Variants in DDX10 observed in about 807,000 individuals in gnomAD.
DDX10 encodes probable ATP-dependent RNA helicase DDX10.
In DDX10, 74 loss-of-function variants were observed where a neutral mutation model predicts 104.3. That is an observed-to-expected ratio of 0.71 (90% CI 0.59 to 0.86). The LOEUF is 0.86. Ranked by LOEUF, DDX10 falls within the 40% of genes least tolerant of loss-of-function variation. The pLI, the probability that DDX10 is intolerant of heterozygous loss-of-function variation, is 0.00. For missense variants in DDX10, 952 were observed against 1,040.0 expected, an observed-to-expected ratio of 0.92 and a Z score of 1.16; for synonymous variants, 351 against 353.4, an observed-to-expected ratio of 0.99 and a Z score of 0.08.
At chr11:108,670,137 G>T (rs1321632068) in intron 1 of DDX10, among the ~76,000 whole-genome samples, 2 of 152,214 alleles carry the variant, frequency 1.3e-5, no homozygotes, top group African/African-American at 4.8e-5. Context: ...GCGGGACTCT[G>T]TATAGAGAGA....
chr11:108,689,818 A>C (rs1010665954), intron 7 of DDX10, among the ~76,000 whole-genome samples: 3 of 152,230 alleles, frequency 2.0e-5, no homozygotes, highest in Admixed American at 2.0e-4. Flanking sequence ...CAGCTTTTGC[A>C]ATAACTTTCC....
At chr11:108,749,190 G>A (rs1007297723) in intron 13 of DDX10, among the ~76,000 whole-genome samples, 15 of 151,918 alleles carry the variant, frequency 9.9e-5, no homozygotes, top group South Asian at 4.2e-4. Flanking sequence ...GTGAATCATC[G>A]TGCCTGGCCG....
At chr11:108,908,730 A>T (rs1049168163) in intron 16 of DDX10, among the ~76,000 whole-genome samples, 1 of 152,218 alleles carries the variant, frequency 6.6e-6, no homozygotes, top group Non-Finnish European at 1.5e-5. Flanking sequence ...GACAACAGAC[A>T]TTACCATGTA....
intron 9 of DDX10, among the ~76,000 whole-genome samples, chr11:108,702,462 C>T (rs1167314962): frequency 6.6e-6 from 1 of 152,002 alleles, no homozygotes; most frequent in Non-Finnish European, 1.5e-5. Flanking sequence ...CATGGTAGGA[C>T]AATAGTGGGA....
Position 108,828,900 on chromosome 11 carries a change from A to G in DDX10, c.1966-9546A>G, listed in dbSNP as rs372009233. 4.9e-4 allele frequency among the ~76,000 whole-genome samples: 75 copies of G among 152,254 alleles called. No individual in the cohort carries two copies. The Middle Eastern group carries it at 0.02, about 41-fold the overall frequency. ...TGGCCTCCCAAAGTGCTGGGATTAT[A>G]GGTGTGAGCCACTGCAGCCTCCCAA... On this transcript the variant is annotated intron_variant, in intron 13 of 17. Transcript: ENST00000322536.
intron 16 of DDX10, among the ~76,000 whole-genome samples, chr11:108,913,998 A>T (rs1295656407): frequency 1.3e-5 from 2 of 152,238 alleles, no homozygotes; most frequent in Admixed American, 1.3e-4. Flanking sequence ...TAGCACCAAC[A>T]TTGCAGTCAT....
At chr11:108,750,432 T>G (rs1484354943) in intron 13 of DDX10, among the ~76,000 whole-genome samples, 1 of 152,174 alleles carries the variant, frequency 6.6e-6, no homozygotes, top group African/African-American at 2.4e-5. Context: ...AGTTATTAGG[T>G]TATTGAACTA....
chr11:108,698,158 TC>T (rs1565250683), intron 9 of DDX10, among the ~76,000 whole-genome samples: 1 of 152,220 alleles, frequency 6.6e-6, no homozygotes, highest in Non-Finnish European at 1.5e-5. Flanking sequence ...TGTAATAACT[TC>T]TGAAGAGTTC....
At chr11:108,679,622 T>C in intron 6 of DDX10, 62 bp downstream of exon 6, 1 of 1,207,862 alleles carries the variant, frequency 8.3e-7, no homozygotes, top group Non-Finnish European at 1.1e-6. Flanking sequence ...AGGGATTTGG[T>C]ATTTTAAATA....
chr11:108,882,948 A>G (rs1213491994), intron 16 of DDX10, among the ~76,000 whole-genome samples: 7 of 152,194 alleles, frequency 4.6e-5, no homozygotes, highest in Non-Finnish European at 1.0e-4. Flanking sequence ...GTTATTCAAT[A>G]ATGTCTTTGT....
At chr11:108,843,288 A>G (rs1023981879) in intron 15 of DDX10, among the ~76,000 whole-genome samples, 1 of 152,174 alleles carries the variant, frequency 6.6e-6, no homozygotes, top group South Asian at 2.1e-4. Flanking sequence ...AAAAACAAGA[A>G]AAAACTAACA....
In DDX10 at chr11:108,736,710, C is replaced by T. The variant is rs145246803; in HGVS notation, c.1965+13248C>T. Among the ~76,000 whole-genome samples, 586 of 152,246 alleles carry T rather than the reference C, an allele frequency of 3.8e-3. 3 individuals carry two copies. Among genetic ancestry groups the T allele is most frequent in the Admixed American group, 7.1e-3 (109 of 15,284 alleles). On this transcript the variant is annotated intron_variant, in intron 13 of 17. Transcript: ENST00000322536. ...CACAGTTTTTCCTTCTTGCCCTCTGCCTTCTGCCATGTGAGGATGCAGCAA... is the reference window on the plus strand; with the variant it reads ...CACAGTTTTTCCTTCTTGCCCTCTGTCTTCTGCCATGTGAGGATGCAGCAA...
At chr11:108,666,814 C>T (rs2094210770) in intron 1 of DDX10, among the ~76,000 whole-genome samples, 1 of 152,192 alleles carries the variant, frequency 6.6e-6, no homozygotes, top group South Asian at 2.1e-4. Flanking sequence ...TTAATTTAAT[C>T]ACATCTGAAA....
chr11:108,688,479 G>A (rs1219035283), intron 6 of DDX10, among the ~76,000 whole-genome samples: 2 of 152,186 alleles, frequency 1.3e-5, no homozygotes. Flanking sequence ...TTCAGCACAC[G>A]TATTACTGAG....
chr11:108,675,563 T>C, intron 2 of DDX10, 33 bp from the exon 3 acceptor site: 1 of 1,607,914 alleles, frequency 6.2e-7, no homozygotes, highest in East Asian at 2.2e-5. Flanking sequence ...ACAGGGATCT[T>C]CTAAAGTATA....
Position 108,894,462 on chromosome 11 carries a change from T to C in DDX10, c.2305-23411T>C, listed in dbSNP as rs536000719. ...CCTGATTATAAGCCATTGCTTGTTA[T>C]GTGCTACAGATCATGACTAATTTTA... On this transcript the variant is annotated intron_variant, in intron 16 of 17. Transcript: ENST00000322536. 5.3e-5 allele frequency among the ~76,000 whole-genome samples: 8 copies of C among 152,170 alleles called. No individual in the cohort carries two copies. The South Asian group carries it at 1.4e-3, about 28-fold the overall frequency.
At chr11:108,756,668 C>T (rs906281287) in intron 13 of DDX10, among the ~76,000 whole-genome samples, 5 of 151,964 alleles carry the variant, frequency 3.3e-5, no homozygotes, top group South Asian at 2.1e-4. Flanking sequence ...TATAATTTTC[C>T]GCAGATTTTA....
chr11:108,842,147 G>T lies in DDX10; in HGVS notation c.2247+671G>T, dbSNP rs139094039. On this transcript the variant is annotated intron_variant, in intron 15 of 17. Coordinates refer to ENST00000322536, the MANE Select transcript of DDX10 (RefSeq NM_004398.4). Reference sequence around the variant, plus strand: ...ATGTGCCCTTGTGGTCTTGAACTTGGCAGTTTTCTGTTATCCTTGATATAG... The same window carrying T: ...ATGTGCCCTTGTGGTCTTGAACTTGTCAGTTTTCTGTTATCCTTGATATAG... 6.0e-3 allele frequency among the ~76,000 whole-genome samples: 910 copies of T among 152,086 alleles called. 5 individuals are homozygous for T. Among genetic ancestry groups the T allele is most frequent in the Middle Eastern group, 0.024 (7 of 292 alleles).
chr11:108,804,897 A>G (rs1025820094), intron 13 of DDX10, among the ~76,000 whole-genome samples: 5 of 152,196 alleles, frequency 3.3e-5, no homozygotes, highest in Non-Finnish European at 4.4e-5. Flanking sequence ...GGTATTATAT[A>G]TTAATCAGCT....
Sources: allele counts gnomAD v4.1 joint callset (sites outside exome capture counted in the v4.1 genomes callset), GRCh38; gene constraint gnomAD v4.1.1; transcripts MANE v1.5; gene names NCBI Gene and HGNC (gene_info 2026-07-23, HGNC 2026-07-21).